The following ZC3H13 variants were observed in gnomAD, a reference collection of about 807,000 sequenced individuals.
ZC3H13 encodes the protein zinc finger CCCH-type containing 13.
Under a neutral mutation model 204.1 loss-of-function variants are expected in ZC3H13, and 64 were observed. The observed-to-expected ratio is 0.31, with a 90% CI of 0.26 to 0.39. ZC3H13 has a LOEUF of 0.39. Among genes scored for constraint, ZC3H13 ranks in the 10% least tolerant of loss-of-function variants. The pLI, the probability that ZC3H13 is intolerant of heterozygous loss-of-function variation, is 1.00. For missense variants in ZC3H13, 1,833 were observed against 2,082.7 expected (o/e 0.88, Z 2.33); for synonymous variants, 667 against 693.7 (o/e 0.96, Z 0.60).
intron 4 of ZC3H13, among the ~76,000 whole-genome samples, chr13:46,029,069 GAAA>G (rs1239982112): frequency 6.6e-6 from 1 of 151,652 alleles, no homozygotes; most frequent in Non-Finnish European, 1.5e-5. Flanking sequence ...GGCTAATTAA[GAAA>G]AAAAGAGAGA....
At chr13:46,035,063 C>G (rs1005907636) in intron 4 of ZC3H13, among the ~76,000 whole-genome samples, 2 of 152,184 alleles carry the variant, frequency 1.3e-5, no homozygotes, top group African/African-American at 4.8e-5. Flanking sequence ...AACCAGGGCA[C>G]AAGCACATGC....
chr13:46,044,960 A>G lies in ZC3H13; in HGVS notation c.222T>C (p.Tyr74=), dbSNP rs781679610. ...SPRGKGYSSN[Y]RRSPERPTGD... ...ATACAAAGTTCTCAGTTTACCTTCT[A>G]TAATTGCTGCTATAACCTTTACCAC... The change falls in exon 3 of 19, where the codon TAT becomes TAC. Residue 74 remains tyrosine (Y), a synonymous_variant. Transcript: ENST00000679008. 128 of 1,608,768 alleles carry G rather than the reference A, an allele frequency of 8.0e-5. No individual in the cohort carries two copies. Among genetic ancestry groups the G allele is most frequent in the Non-Finnish European group, 1.0e-4 (122 of 1,177,360 alleles).
At chr13:46,002,690 T>C (rs1159523699) in intron 8 of ZC3H13, among the ~76,000 whole-genome samples, 1 of 152,182 alleles carries the variant, frequency 6.6e-6, no homozygotes, top group African/African-American at 2.4e-5. Context: ...CACTGTATGA[T>C]TCCACTTATA....
At chr13:46,039,955 A>G (rs544565457) in intron 4 of ZC3H13, among the ~76,000 whole-genome samples, 1 of 152,208 alleles carries the variant, frequency 6.6e-6, no homozygotes, top group Non-Finnish European at 1.5e-5. Context: ...GTAGCGGTAC[A>G]TTTACTGGCA....
chr13:46,014,401 T>G (rs1005686052), intron 5 of ZC3H13, among the ~76,000 whole-genome samples: 1 of 152,082 alleles, frequency 6.6e-6, no homozygotes, highest in East Asian at 1.9e-4. Context: ...CCCCTCTCTG[T>G]GTTGATCAGC....
rs1952310009 is a variant in ZC3H13 at position 45,968,792 on chromosome 13, A to G, written c.3752T>C (p.Ile1251Thr). 6.2e-7 allele frequency: 1 copy of G among 1,612,872 alleles called. No individual in the cohort carries two copies. The highest frequency in any genetic ancestry group is 2.2e-5 in the East Asian group (1 of 44,888). ...GGGTTCTCCACGCTTTAACTGATCA[A>G]TCCTAGATTTTCTCTCTCCTGTGAT... The part of the protein sequence containing the change: ...LEITGERKSR[I>T]DQLKRGEPSR... The change falls in exon 14 of 19, where the codon ATT (isoleucine) becomes ACT (threonine). Residue 1251 changes from isoleucine (I) to threonine (T), a missense_variant. Ile to Thr is a moderately conservative substitution (Grantham distance 89). Coordinates refer to ENST00000679008, the MANE Select transcript of ZC3H13 (RefSeq NM_001330564.2).
chr13:45,995,586 C>G (rs1328420656), intron 8 of ZC3H13, among the ~76,000 whole-genome samples: 1 of 152,212 alleles, frequency 6.6e-6, no homozygotes, highest in Non-Finnish European at 1.5e-5. Flanking sequence ...CCACACCCCA[C>G]ATTATTCTAC....
chr13:46,052,514 G>A lies in ZC3H13; in HGVS notation c.-120C>T, dbSNP rs2044553563. Reference sequence around the variant, plus strand: ...CCGCGCCTGGACCCAGGAGGACGACGACGAGGAGAAAGCGATGCGCGCGCG... The same window carrying A: ...CCGCGCCTGGACCCAGGAGGACGACAACGAGGAGAAAGCGATGCGCGCGCG... On this transcript the variant is annotated 5_prime_UTR_variant, in exon 1 of 19. Transcript: ENST00000679008. 5 of 398,684 alleles carry A rather than the reference G, an allele frequency of 1.3e-5. No homozygotes were observed. The highest frequency in any genetic ancestry group is 2.2e-5 in the Non-Finnish European group (5 of 226,144). The allele number at this position is 398,684 out of a possible 1,614,324, so 24.7% of individuals were successfully genotyped here. A position where few individuals can be genotyped will look rare whatever the true frequency, so the allele number is the denominator to read the frequency against.
chr13:46,005,680 G>A (rs1181673438), intron 7 of ZC3H13, among the ~76,000 whole-genome samples: 2 of 151,916 alleles, frequency 1.3e-5, no homozygotes, highest in East Asian at 3.9e-4. Context: ...GTAGAGACAG[G>A]GTTTTATCAC....
chr13:45,973,903 T>G (rs1409604753), intron 12 of ZC3H13, among the ~76,000 whole-genome samples: 4 of 152,180 alleles, frequency 2.6e-5, no homozygotes, highest in Non-Finnish European at 5.9e-5. Flanking sequence ...CCAAGGAGTG[T>G]ACTACAGAAA....
chr13:46,045,002 T>C lies in ZC3H13; in HGVS notation c.180A>G (p.Val60=), dbSNP rs1308465795. 6.2e-7 allele frequency: 1 copy of C among 1,613,760 alleles called. No individual in the cohort carries two copies. Among genetic ancestry groups the C allele is most frequent in the Admixed American group, 1.7e-5 (1 of 60,000 alleles). The change falls in exon 3 of 19, where the codon GTA becomes GTG. Residue 60 remains valine (V), a synonymous_variant. Transcript: ENST00000679008. ...CTTTACCACGAGGTGAAGGGCCATGTACGAATCTACATGTGTTTCCATAGA... is the reference window on the plus strand; with the variant it reads ...CTTTACCACGAGGTGAAGGGCCATGCACGAATCTACATGTGTTTCCATAGA... The part of the protein sequence containing the change: ...NCLYGNTCRF[V]HGPSPRGKGY...
In ZC3H13 at chr13:45,974,620, T is replaced by TCGAACCATG. The variant is rs1266913677; in HGVS notation, c.2468+662_2468+663insCATGGTTCG. ...ACAAGAGAAGACACTTCCTTTTCTC[T>TCGAACCATG]CATCTTCGAACCATGCAGTGATTAC... is the stretch of plus-strand genomic sequence containing the variant. On this transcript the variant is annotated intron_variant, in intron 12 of 18. Coordinates refer to ENST00000679008, the MANE Select transcript of ZC3H13 (RefSeq NM_001330564.2). 4.6e-5 allele frequency among the ~76,000 whole-genome samples: 7 copies of TCGAACCATG among 152,156 alleles called. No individual in the cohort carries two copies. The East Asian group carries it at 1.3e-3, about 29-fold the overall frequency.
chr13:46,026,115 T>A (rs1420994840), intron 4 of ZC3H13, among the ~76,000 whole-genome samples: 1 of 152,110 alleles, frequency 6.6e-6, no homozygotes, highest in East Asian at 1.9e-4. Context: ...CTGTAGTTTA[T>A]TTTGTTTATA....
chr13:45,960,710 C>T (rs1407684387), intron 17 of ZC3H13, among the ~76,000 whole-genome samples: 3 of 152,240 alleles, frequency 2.0e-5, no homozygotes, highest in South Asian at 2.1e-4. Flanking sequence ...AAATAAGAGT[C>T]GGTCAAGAGT....
intron 15 of ZC3H13, among the ~76,000 whole-genome samples, chr13:45,967,265 A>C (rs1434614452): frequency 6.6e-6 from 1 of 152,182 alleles, no homozygotes; most frequent in South Asian, 2.1e-4. Flanking sequence ...CTTTTATTTC[A>C]TTTAGGTTTA....
At chr13:45,989,488 A>G (rs2039812980) in intron 8 of ZC3H13, among the ~76,000 whole-genome samples, 1 of 152,232 alleles carries the variant, frequency 6.6e-6, no homozygotes, top group Non-Finnish European at 1.5e-5. Context: ...ATCTAGAGAG[A>G]AAGTGGCTTT....
At chr13:46,042,329 C>A in intron 3 of ZC3H13, 54 bp from the exon 4 acceptor site, 8 of 1,209,956 alleles carry the variant, frequency 6.6e-6, no homozygotes, top group Non-Finnish European at 9.6e-6. Flanking sequence ...CAACAAAAAT[C>A]TGTATTTATA....
chr13:45,997,413 T>C (rs2138409975), intron 8 of ZC3H13, among the ~76,000 whole-genome samples: 1 of 152,192 alleles, frequency 6.6e-6, no homozygotes, highest in Admixed American at 6.5e-5. Flanking sequence ...GAAGGGAAAA[T>C]CATGAACTTT....
intron 5 of ZC3H13, among the ~76,000 whole-genome samples, chr13:46,020,194 T>C (rs1205456776): frequency 6.6e-6 from 1 of 152,164 alleles, no homozygotes; most frequent in Non-Finnish European, 1.5e-5. Context: ...TGAAGGGCTG[T>C]AATGCTGCAC....
Sources: gnomAD v4.1 joint callset for allele counts (sites outside exome capture counted in the v4.1 genomes callset) on GRCh38, gnomAD v4.1.1 for gene constraint, MANE v1.5 for transcripts, NCBI Gene and HGNC (gene_info 2026-07-23, HGNC 2026-07-21) for gene names.